MAX: variants seen among roughly 807,000 people sequenced by gnomAD.
MAX encodes the protein MYC associated transcriptional regulator X, also known as protein max.
In MAX, 3 loss-of-function variants were observed where a neutral mutation model predicts 22.3. The observed-to-expected ratio is 0.13, with a 90% CI of 0.06 to 0.35. The LOEUF (loss-of-function observed/expected upper bound fraction) is 0.35, where lower values mean the gene tolerates loss of function less well. Among genes scored for constraint, MAX ranks in the 10% least tolerant of loss-of-function variants. MAX has a pLI of 1.00. For synonymous variants in MAX, 72 were observed against 77.7 expected (o/e 0.93, Z 0.39); for missense variants, 119 against 209.4 (o/e 0.57, Z 2.66).
rs2063577793 is a variant in MAX at position 65,093,648 on chromosome 14, G to A, written c.171+60C>T. The A allele has an allele frequency of 4.5e-6, 4 of 893,274 alleles. No homozygotes were observed. The East Asian group carries it at 9.6e-5, about 21-fold the overall frequency. 55.3% of individuals were successfully genotyped at this position (893,274 alleles called of 1,614,324 possible). A position where few individuals can be genotyped will look rare whatever the true frequency, so the allele number is the denominator to read the frequency against. On this transcript the variant is annotated intron_variant, in intron 3 of 4. Transcript: ENST00000358664. This position sits in a 1 kb window ranked among gnomAD's most constrained non-coding sequence, Gnocchi z 4.4. ...TCCCAATAGGTGAGTGCTCTGCTAA[G>A]CTCTGCAACAAGTTCCAAGCTAGTA...
chr14:65,037,219 T>C (rs1244990082), intron 3 of MAX, among the ~76,000 whole-genome samples: 1 of 151,288 alleles, frequency 6.6e-6, no homozygotes, highest in Admixed American at 6.6e-5. Context: ...TTCTCCTGCC[T>C]CAGCCTCCTG....
intron 3 of MAX, among the ~76,000 whole-genome samples, chr14:65,056,452 C>G (rs2139684625): frequency 6.6e-6 from 1 of 152,286 alleles, no homozygotes; most frequent in East Asian, 1.9e-4. Context: ...TGATAGATAC[C>G]TCTGTAACTG....
At chr14:65,006,132 C>A, downstream of MAX, 1 of 1,602,844 alleles carries the variant, frequency 6.2e-7, no homozygotes, top group Non-Finnish European at 8.5e-7. Flanking sequence ...TAAATAGGTC[C>A]AGCTTTGTTT....
intron 3 of MAX, chr14:65,040,870 C>G: frequency 6.2e-7 from 1 of 1,613,924 alleles, no homozygotes; most frequent in Non-Finnish European, 8.5e-7. Context: ...GGCCTGGCCG[C>G]GCTGGTAATC....
rs1425445929 is a variant in MAX at position 65,011,410 on chromosome 14, C to G, written c.172-5126G>C. 7.7e-6 allele frequency among the ~76,000 whole-genome samples: 1 copy of G among 130,242 alleles called. No individual in the cohort carries two copies. Among genetic ancestry groups the G allele is most frequent in the Non-Finnish European group, 1.5e-5 (1 of 65,456 alleles). 85.4% of individuals were successfully genotyped at this position (130,242 alleles called of 152,430 possible). ...CACCACTGCACTCCAGCCTGGGTGA[C>G]AGAGCGAGACTCCGTCTCAGGAAAA... is the stretch of plus-strand genomic sequence containing the variant. On this transcript the variant is annotated intron_variant, in intron 3 of 3. Transcript: ENST00000341653. The surrounding 1 kb of genome is among the most constrained non-coding windows in gnomAD (Gnocchi z 4.0).
chr14:65,048,408 C>CTA (rs1452364398), intron 3 of MAX, among the ~76,000 whole-genome samples: 1 of 151,864 alleles, frequency 6.6e-6, no homozygotes, highest in African/African-American at 2.4e-5. Flanking sequence ...GATCATATTG[C>CTA]TAACTAAAAA....
In MAX at chr14:65,011,462, A is replaced by G. The variant is rs973466478; in HGVS notation, c.172-5178T>C. Among the ~76,000 whole-genome samples, 52 of 151,262 alleles carry G rather than the reference A, an allele frequency of 3.4e-4. No homozygotes were observed. Among genetic ancestry groups the G allele is most frequent in the Admixed American group, 1.8e-3 (28 of 15,192 alleles). ...AAAAAAAAAAAAAAAAGACTGCATG[A>G]AGGCTCTTACTCTGAGCCAAGTACA... On this transcript the variant is annotated intron_variant, in intron 3 of 3. Coordinates refer to the MAX transcript ENST00000341653. The surrounding 1 kb of genome is among the most constrained non-coding windows in gnomAD (Gnocchi z 4.0).
rs1362973611 is a variant in MAX at position 65,012,234 on chromosome 14, C to G, written c.172-5950G>C. ...GGACGTCCTGAAGCTGAGTGTTTAC[C>G]CGTGTGTGTGTACGTGCACATACGT... On this transcript the variant is annotated intron_variant, in intron 3 of 3. Coordinates refer to the MAX transcript ENST00000341653. This position sits in a 1 kb window ranked among gnomAD's most constrained non-coding sequence, Gnocchi z 5.0. The G allele has an allele frequency of 3.2e-6, 5 of 1,540,326 alleles. No individual in the cohort carries two copies. In the African/African-American group the frequency reaches 6.8e-5, roughly 21 times the overall value.
intron 3 of MAX, among the ~76,000 whole-genome samples, chr14:65,037,741 A>ATTTATTATTTAT (rs372196330): frequency 6.8e-5 from 9 of 132,718 alleles, no homozygotes; most frequent in Non-Finnish European, 1.3e-4. Context: ...TTATTTATTT[A>ATTTATTATTTAT]TTATTTATTT....
In MAX at chr14:65,032,063, G is replaced by C. The variant is rs1454197184; in HGVS notation, c.172-25779C>G. 6.6e-6 allele frequency among the ~76,000 whole-genome samples: 1 copy of C among 150,970 alleles called. No individual in the cohort carries two copies. The highest frequency in any genetic ancestry group is 1.5e-5 in the Non-Finnish European group (1 of 67,862). ...ATCAAGGCTCTTTTCTCCCTCTAGA[G>C]GTTTAAGGACTGTATTGGAGTGGAC... On this transcript the variant is annotated intron_variant, in intron 3 of 3. Transcript: ENST00000341653. The surrounding 1 kb of genome is among the most constrained non-coding windows in gnomAD (Gnocchi z 5.0).
intron 3 of MAX, among the ~76,000 whole-genome samples, chr14:65,059,149 A>G (rs532492662): frequency 6.6e-6 from 1 of 152,094 alleles, no homozygotes; most frequent in African/African-American, 2.4e-5. Context: ...TAGCCTCCCA[A>G]GTAGCAGGGA....
At chr14:65,101,427 G>C (rs2063828258) in intron 2 of MAX, 119 bp downstream of exon 2, 1 of 940,948 alleles carries the variant, frequency 1.1e-6, no homozygotes, top group South Asian at 1.5e-5. Context: ...CACCTTAGTG[G>C]TTAACATTAG....
rs565657190 is a variant in MAX at position 65,028,713 on chromosome 14, C to CA, written c.172-22430dup. Among the ~76,000 whole-genome samples the CA allele has an allele frequency of 1.3e-5, 2 of 152,098 alleles. No homozygotes were observed. Among genetic ancestry groups the CA allele is most frequent in the South Asian group, 2.1e-4 (1 of 4,832 alleles). On this transcript the variant is annotated intron_variant, in intron 3 of 3. Coordinates refer to the MAX transcript ENST00000341653. The surrounding 1 kb of genome is among the most constrained non-coding windows in gnomAD (Gnocchi z 4.4). ...CTATCTCTAACTTGTCTAATCCAAC[C>CA]AAAAAAATTAGATTAGGATCTGTGT... is the stretch of plus-strand genomic sequence containing the variant.
chr14:65,089,279 G>A (rs1178056030), intron 3 of MAX, among the ~76,000 whole-genome samples: 1 of 152,168 alleles, frequency 6.6e-6, no homozygotes, highest in Admixed American at 6.5e-5. Context: ...GATAGGAACT[G>A]ACAGAGGCAG....
chr14:65,068,672 T>A (rs1005599675), intron 3 of MAX, among the ~76,000 whole-genome samples: 4 of 152,238 alleles, frequency 2.6e-5, no homozygotes, highest in African/African-American at 7.2e-5. Context: ...CTCCTTTGTC[T>A]GTTTAACAGA....
At chr14:65,066,799 T>C (rs1204843433) in intron 3 of MAX, among the ~76,000 whole-genome samples, 2 of 147,542 alleles carry the variant, frequency 1.4e-5, no homozygotes, top group Non-Finnish European at 3.0e-5. Flanking sequence ...GAGGCAGAGG[T>C]TGTGGTGAGC....
rs2062505794 is a variant in MAX, at chr14:65,047,296, G to A, written c.172-41012C>T. 6.6e-6 allele frequency among the ~76,000 whole-genome samples: 1 copy of A among 152,234 alleles called. No homozygotes were observed. The highest frequency in any genetic ancestry group is 1.5e-5 in the Non-Finnish European group (1 of 68,050). On this transcript the variant is annotated intron_variant, in intron 3 of 3. Transcript: ENST00000341653. The surrounding 1 kb of genome is among the most constrained non-coding windows in gnomAD (Gnocchi z 5.2). ...AGGAAACAAACTACAGTGAGGTTAA[G>A]TGATTGCTTTATAATACCTGATTGG...
intron 3 of MAX, among the ~76,000 whole-genome samples, chr14:65,035,402 G>C (rs72728258): frequency 0.089 from 13,492 of 152,244 alleles, 840 homozygotes; most frequent in Admixed American, 0.16. Flanking sequence ...TCAGTGTACA[G>C]CTGTCATTTG....
At position 65,088,230 on chromosome 14, in the gene MAX, C is replaced by A. The variant is rs752922181; in HGVS notation, c.171+5478G>T. Among the ~76,000 whole-genome samples, 1 of 152,008 alleles carries A rather than the reference C, an allele frequency of 6.6e-6. No homozygotes were observed. Among genetic ancestry groups the A allele is most frequent in the Non-Finnish European group, 1.5e-5 (1 of 68,000 alleles). Reference sequence around the variant, plus strand: ...TGGAAGGTTAATGTCAGGAAGGAGGCGAAAAAGCAGGTAGGTAAGCTGGGT... The same window carrying A: ...TGGAAGGTTAATGTCAGGAAGGAGGAGAAAAAGCAGGTAGGTAAGCTGGGT... On this transcript the variant is annotated intron_variant, in intron 3 of 4. Transcript: ENST00000358664. This position sits in a 1 kb window ranked among gnomAD's most constrained non-coding sequence, Gnocchi z 5.2.
Sources: allele counts gnomAD v4.1 joint callset (sites outside exome capture counted in the v4.1 genomes callset), GRCh38; gene constraint gnomAD v4.1.1; non-coding constraint Gnocchi (gnomAD v3.1); transcripts MANE v1.5; gene names NCBI Gene and HGNC (gene_info 2026-07-23, HGNC 2026-07-21).